Variants in ITGA9 observed in about 807,000 individuals in gnomAD.
The protein encoded by ITGA9 is integrin alpha-9.
ITGA9 carries 56 observed loss-of-function variants against 127.8 expected under a neutral mutation model. The observed-to-expected ratio is 0.44, with a 90% CI of 0.35 to 0.55. The LOEUF is 0.55. ITGA9 is among the 20% of genes least tolerant of loss of function. The probability of loss-of-function intolerance (pLI) is 0.00; values close to 1 mark genes in which losing one functional copy is unlikely to be tolerated. For synonymous variants in ITGA9, 508 were observed against 514.5 expected, an observed-to-expected ratio of 0.99 and a Z score of 0.17; for missense variants, 1,196 against 1,347.1, an observed-to-expected ratio of 0.89 and a Z score of 1.76.
intron 18 of ITGA9, among the ~76,000 whole-genome samples, chr3:37,703,951 C>G (rs1700975622): frequency 1.3e-5 from 2 of 152,186 alleles, no homozygotes; most frequent in Non-Finnish European, 2.9e-5. Flanking sequence ...TACTTAATCT[C>G]TCTCCTACAA....
At chr3:37,800,420 C>T (rs1697223896) in intron 26 of ITGA9, among the ~76,000 whole-genome samples, 1 of 152,216 alleles carries the variant, frequency 6.6e-6, no homozygotes, top group African/African-American at 2.4e-5. Flanking sequence ...TACGGTTGCA[C>T]CAGGACCAGA....
chr3:37,749,047 A>G, intron 22 of ITGA9: 1 of 425,006 alleles, frequency 2.4e-6, no homozygotes, highest in Admixed American at 3.8e-5. Flanking sequence ...GCTTAAAACA[A>G]CACAAATTTG....
At chr3:37,542,355 A>G (rs1699281405) in intron 14 of ITGA9, 70 bp from the exon 15 acceptor site, 2 of 1,530,000 alleles carry the variant, frequency 1.3e-6, no homozygotes, top group East Asian at 4.5e-5. Context: ...ATCCTGTGAC[A>G]AGGAAAAGAG....
intron 13 of ITGA9, among the ~76,000 whole-genome samples, chr3:37,528,257 A>G (rs1001834117): frequency 9.9e-5 from 15 of 152,130 alleles, no homozygotes; most frequent in African/African-American, 3.6e-4. Context: ...TTGCTCACAT[A>G]TGGATGTAAA....
chr3:37,577,692 A>G (rs1699666927), intron 15 of ITGA9, among the ~76,000 whole-genome samples: 1 of 152,258 alleles, frequency 6.6e-6, no homozygotes, highest in South Asian at 2.1e-4. Context: ...AGGTTGTGGT[A>G]CAAGAGGAGC....
chr3:37,506,334 A>ATG lies in ITGA9; in HGVS notation c.828+261_828+262dup, dbSNP rs1491532527. Among the ~76,000 whole-genome samples the ATG allele has an allele frequency of 8.0e-4, 121 of 151,676 alleles. 1 individual carries two copies. The highest frequency in any genetic ancestry group is 2.7e-3 in the African/African-American group (113 of 41,230). ...CATCTGAGGTTTTTCACAGCTGACC[A>ATG]TGTGTGTGTGTGTAATTTATAAGAC... On this transcript the variant is annotated intron_variant, in intron 7 of 27. Coordinates refer to ENST00000264741, the MANE Select transcript of ITGA9 (RefSeq NM_002207.3).
chr3:37,786,770 G>A (rs192295098), intron 26 of ITGA9, among the ~76,000 whole-genome samples: 26 of 152,290 alleles, frequency 1.7e-4, no homozygotes, highest in Admixed American at 5.9e-4. Context: ...ACTCAGTGAG[G>A]AGAATGAGTG....
chr3:37,819,465 T>C lies in ITGA9; in HGVS notation c.*476T>C, dbSNP rs779007661. 25 of 158,900 alleles carry C rather than the reference T, an allele frequency of 1.6e-4. No homozygotes were observed. The highest frequency in any genetic ancestry group is 3.1e-4 in the Non-Finnish European group (22 of 71,664). 9.8% of individuals were successfully genotyped at this position (158,900 alleles called of 1,614,324 possible). A position where few individuals can be genotyped will look rare whatever the true frequency, so the allele number is the denominator to read the frequency against. ...ATTTTAAAGGATGAAAATCTTACCGTACTTTGGAACTTGCTGTTTAAAAAG... is the reference window on the plus strand; with the variant it reads ...ATTTTAAAGGATGAAAATCTTACCGCACTTTGGAACTTGCTGTTTAAAAAG... On this transcript the variant is annotated 3_prime_UTR_variant, in exon 28 of 28. Coordinates refer to ENST00000264741, the MANE Select transcript of ITGA9 (RefSeq NM_002207.3).
At chr3:37,677,479 A>G (rs542340931) in intron 17 of ITGA9, among the ~76,000 whole-genome samples, 1 of 152,380 alleles carries the variant, frequency 6.6e-6, no homozygotes, top group African/African-American at 2.4e-5. Flanking sequence ...AGCATTTGTA[A>G]AGAGATGACA....
chr3:37,641,963 G>A (rs1700338133), intron 16 of ITGA9, among the ~76,000 whole-genome samples: 1 of 152,054 alleles, frequency 6.6e-6, no homozygotes, highest in Non-Finnish European at 1.5e-5. Flanking sequence ...TTTGACACAG[G>A]GTCTCATTCT....
chr3:37,697,572 G>A (rs573624655), intron 18 of ITGA9, among the ~76,000 whole-genome samples: 1 of 151,914 alleles, frequency 6.6e-6, no homozygotes, highest in Admixed American at 6.6e-5. Context: ...ACCTATGAGT[G>A]AGAACATGGG....
Position 37,814,432 on chromosome 3 carries a change from G to T in ITGA9, c.3010-4459G>T, listed in dbSNP as rs1433808004. 6.6e-6 allele frequency among the ~76,000 whole-genome samples: 1 copy of T among 152,194 alleles called. No homozygotes were observed. Among genetic ancestry groups the T allele is most frequent in the Admixed American group, 6.5e-5 (1 of 15,276 alleles). ...ATATAAAAATTAGCCAGGCCTGGTG[G>T]TGCAGACCTGTAATTCCAGCTACTT... is the stretch of plus-strand genomic sequence containing the variant. On this transcript the variant is annotated intron_variant, in intron 27 of 27. Transcript: ENST00000264741. The surrounding 1 kb of genome is among the most constrained non-coding windows in gnomAD (Gnocchi z 4.3).
intron 5 of ITGA9, among the ~76,000 whole-genome samples, chr3:37,496,189 A>G (rs1007413280): frequency 6.6e-6 from 1 of 152,258 alleles, no homozygotes; most frequent in African/African-American, 2.4e-5. Flanking sequence ...CCAGAAAGCA[A>G]GAAAGAAAAG....
chr3:37,513,574 T>TA (rs1031475174), intron 8 of ITGA9, among the ~76,000 whole-genome samples, 189 bp from the exon 9 acceptor site: 4 of 151,906 alleles, frequency 2.6e-5, no homozygotes, highest in African/African-American at 9.7e-5. Flanking sequence ...CTCCTAATGT[T>TA]ATCCCTCCCC....
At chr3:37,625,460 G>T (rs1700168122) in intron 15 of ITGA9, among the ~76,000 whole-genome samples, 1 of 152,144 alleles carries the variant, frequency 6.6e-6, no homozygotes, top group African/African-American at 2.4e-5. Flanking sequence ...CCTCTGTGGG[G>T]ACTCCTTCAG....
Position 37,566,296 on chromosome 3 carries a change from G to A in ITGA9, c.1689+23711G>A, listed in dbSNP as rs113995962. Among the ~76,000 whole-genome samples the A allele has an allele frequency of 6.1e-3, 933 of 152,264 alleles. 4 individuals carry two copies. The highest frequency in any genetic ancestry group is 0.02 in the African/African-American group (844 of 41,538). ...GGGATTAATGGGTAGTAGTGTAATA[G>A]CATGGATGTGCCGGACAAAGGTGTG... On this transcript the variant is annotated intron_variant, in intron 15 of 27. Transcript: ENST00000264741.
intron 26 of ITGA9, among the ~76,000 whole-genome samples, chr3:37,794,684 G>A (rs1697152386): frequency 6.6e-6 from 1 of 152,148 alleles, no homozygotes; most frequent in African/African-American, 2.4e-5. Flanking sequence ...TGCATAGTAA[G>A]TACTCTACAA....
intron 27 of ITGA9, chr3:37,818,191 T>TAAAAAAAAAAAAA (rs748381488): frequency 2.8e-4 from 9 of 31,970 alleles, no homozygotes; most frequent in African/African-American, 7.5e-4. Context: ...TAAGACTCTC[T>TAAAAAAAAAAAAA]AAAAAAAAAA....
chr3:37,674,399 G>A (rs954918265), intron 17 of ITGA9, among the ~76,000 whole-genome samples: 2 of 152,182 alleles, frequency 1.3e-5, no homozygotes, highest in African/African-American at 4.8e-5. Flanking sequence ...TGCCTTCCTA[G>A]GTGGGGAAGC....
Sources: allele counts gnomAD v4.1 joint callset (sites outside exome capture counted in the v4.1 genomes callset), GRCh38; gene constraint gnomAD v4.1.1; non-coding constraint Gnocchi (gnomAD v3.1); transcripts MANE v1.5; gene names NCBI Gene and HGNC (gene_info 2026-07-23, HGNC 2026-07-21).